The following CAND2 variants were observed in gnomAD, a reference collection of about 807,000 sequenced individuals.
CAND2 encodes cullin associated and neddylation dissociated 2 (putative), also known as cullin-associated NEDD8-dissociated protein 2.
Under a neutral mutation model 98.9 loss-of-function variants are expected in CAND2, and 62 were observed. The observed-to-expected ratio is 0.63, with a 90% CI of 0.51 to 0.77. The LOEUF is 0.77. Ranked by LOEUF, CAND2 falls within the 30% of genes least tolerant of loss-of-function variation. The pLI, the probability that CAND2 is intolerant of heterozygous loss-of-function variation, is 0.00. For missense variants in CAND2, 1,501 were observed against 1,655.2 expected, an observed-to-expected ratio of 0.91 and a Z score of 1.62; for synonymous variants, 770 against 731.9, an observed-to-expected ratio of 1.05 and a Z score of -0.84.
chr3:12,833,188 G>A (rs1161671907), intron 14 of CAND2, among the ~76,000 whole-genome samples: 1 of 152,184 alleles, frequency 6.6e-6, no homozygotes, highest in African/African-American at 2.4e-5. Context: ...AAGCAGTGGA[G>A]GAATTACTGA....
chr3:12,817,332 G>T lies in CAND2; in HGVS notation c.2400G>T (p.Val800=). ...GTGGGCCTGGCCTGCACAAGCAGGT[G>T]TTCCACTCATTGGCCCGGTGTGTGG... ...VDGGPGLHKQ[V]FHSLARCVAA... The change falls in exon 10 of 15, where the codon GTG becomes GTT. Residue 800 remains valine (V), a synonymous_variant. Coordinates refer to ENST00000456430, the MANE Select transcript of CAND2 (RefSeq NM_001162499.2). 6.2e-7 allele frequency: 1 copy of T among 1,613,952 alleles called. No homozygotes were observed. Among genetic ancestry groups the T allele is most frequent in the Non-Finnish European group, 8.5e-7 (1 of 1,180,034 alleles).
At position 12,810,327 on chromosome 3, in the gene CAND2, A is replaced by T; in HGVS notation, c.757+3A>T. The T allele has an allele frequency of 6.9e-7, 1 of 1,451,238 alleles. No homozygotes were observed. Among genetic ancestry groups the T allele is most frequent in the Non-Finnish European group, 9.1e-7 (1 of 1,102,674 alleles). 89.9% of individuals were successfully genotyped at this position (1,451,238 alleles called of 1,614,324 possible). A position where few individuals can be genotyped will look rare whatever the true frequency, so the allele number is the denominator to read the frequency against. On this transcript the variant is annotated splice_donor_region_variant and intron_variant, in intron 5 of 14. Coordinates refer to ENST00000456430, the MANE Select transcript of CAND2 (RefSeq NM_001162499.2). ...CCGCCAGGCCGGCCACCGCCTCGGT[A>T]AGGGGGCAGGGGGCGGGGCCTGGGC...
chr3:12,808,378 G>T (rs1336820821), intron 4 of CAND2, 45 bp downstream of exon 4: 1 of 1,544,968 alleles, frequency 6.5e-7, no homozygotes, highest in Admixed American at 2.0e-5. Context: ...GGGTAAAAGG[G>T]GACAGGGAGG....
rs143292112 is a variant in CAND2 at position 12,819,305 on chromosome 3, G to A, written c.2945-781G>A. Among the ~76,000 whole-genome samples, 44 of 152,258 alleles carry A rather than the reference G, an allele frequency of 2.9e-4. No homozygotes were observed. The East Asian group carries it at 3.5e-3, about 12-fold the overall frequency. On this transcript the variant is annotated intron_variant, in intron 10 of 14. Transcript: ENST00000456430. ...AGCACCAAATGGTAAACTTTTCCTC[G>A]AGGCTGAACATAAAGCCTGTGGGGT... is the stretch of plus-strand genomic sequence containing the variant.
In CAND2 at chr3:12,816,766, C is replaced by T. The variant is rs766844513; in HGVS notation, c.1834C>T (p.Pro612Ser). 4 of 1,613,582 alleles carry T rather than the reference C, an allele frequency of 2.5e-6. No homozygotes were observed. The highest frequency in any genetic ancestry group is 3.4e-6 in the Non-Finnish European group (4 of 1,180,042). The change falls in exon 10 of 15, where the codon CCC (proline) becomes TCC (serine). Residue 612 changes from proline to serine, a missense_variant. This residue lies in a region of CAND2 where 1,427 missense variants were observed against 1,545.3 expected (regional missense o/e 0.92). Transcript: ENST00000456430. ...TGACCGGCTTGGGGATGACCTGGAG[C>T]CCACGTTACTGCTCCTCCTGGACCG... Reference protein sequence around the residue: ...LGDRLGDDLEPTLLLLLDRLR... With the variant: ...LGDRLGDDLESTLLLLLDRLR...
chr3:12,799,384 C>T (rs571007818), intron 1 of CAND2, among the ~76,000 whole-genome samples: 26 of 152,262 alleles, frequency 1.7e-4, no homozygotes, highest in African/African-American at 6.0e-4. Context: ...TCACTTAAAG[C>T]CAAACTTTGG....
chr3:12,829,548 A>G (rs927807218), intron 13 of CAND2, among the ~76,000 whole-genome samples: 5 of 152,258 alleles, frequency 3.3e-5, no homozygotes, highest in Admixed American at 2.0e-4. Flanking sequence ...TTGTTTTAAA[A>G]GATTTACACA....
intron 1 of CAND2, among the ~76,000 whole-genome samples, chr3:12,801,654 G>A (rs2061767955): frequency 6.6e-6 from 1 of 152,134 alleles, no homozygotes; most frequent in Admixed American, 6.5e-5. Context: ...CTTGCCTCTG[G>A]TGCCCACCCT....
At position 12,820,089 on chromosome 3, in the gene CAND2, G is replaced by A. The variant is rs374617759; in HGVS notation, c.2948G>A (p.Arg983Gln). The change falls in exon 11 of 15, where the codon CGG becomes CAG. Residue 983 changes from arginine to glutamine, a missense_variant. Arg to Gln is a conservative substitution (Grantham distance 43). Transcript: ENST00000456430. ...PRLRKQLAAG[R>Q]PHTRSTVITA... ...CTCACCTCTTCTTGTCCTGCAGGTC[G>A]GCCACACACCCGGAGCACCGTCATC... 2.1e-4 allele frequency: 343 copies of A among 1,613,872 alleles called. 1 individual carries two copies. Among genetic ancestry groups the A allele is most frequent in the South Asian group, 1.6e-3 (149 of 91,046 alleles).
chr3:12,831,359 C>T, intron 13 of CAND2, 106 bp from the exon 14 acceptor site: 2 of 844,620 alleles, frequency 2.4e-6, no homozygotes, highest in South Asian at 2.9e-5. Context: ...GTGGTCTGAA[C>T]TTGGGCTTCA....
chr3:12,825,735 C>G, intron 12 of CAND2, 96 bp downstream of exon 12: 1 of 1,331,850 alleles, frequency 7.5e-7, no homozygotes, highest in Non-Finnish European at 1.0e-6. Flanking sequence ...GAGCAGGTGC[C>G]GGGGCCACAT....
intron 11 of CAND2, among the ~76,000 whole-genome samples, chr3:12,820,414 G>C (rs182778294): frequency 6.6e-6 from 1 of 152,146 alleles, no homozygotes; most frequent in Non-Finnish European, 1.5e-5. Flanking sequence ...TCTAAGCCTC[G>C]CTTTCCTCAT....
At position 12,817,635 on chromosome 3, in the gene CAND2, G is replaced by T. The variant is rs753368336; in HGVS notation, c.2703G>T (p.Leu901=). Residue 901 remains leucine, a synonymous_variant, in exon 10 of 15, where the codon CTG becomes CTT. Transcript: ENST00000456430. The part of the protein sequence containing the change: ...GSLPDFLPFL[L]EQIEAEPRRQ... The stretch of plus-strand genomic sequence containing the variant: ...TGCCCGACTTCCTGCCCTTCCTGCT[G>T]GAGCAGATCGAGGCTGAGCCCCGAC... 2 of 1,613,514 alleles carry T rather than the reference G, an allele frequency of 1.2e-6. No individual in the cohort carries two copies. The highest frequency in any genetic ancestry group is 1.7e-6 in the Non-Finnish European group (2 of 1,179,958).
In CAND2 at chr3:12,834,229, G is replaced by C. The variant is rs1050379971; in HGVS notation, c.*247G>C. On this transcript the variant is annotated 3_prime_UTR_variant, in exon 15 of 15. Transcript: ENST00000456430. ...CTCAGGACAGTCATCCAAAGAAATA[G>C]GGTGAGGAAGTTTTCCAGTGACTTC... 5.6e-6 allele frequency: 3 copies of C among 533,656 alleles called. No individual in the cohort carries two copies. In the African/African-American group the frequency reaches 5.7e-5, roughly 10 times the overall value. 33.1% of individuals were successfully genotyped at this position (533,656 alleles called of 1,614,324 possible). A position where few individuals can be genotyped will look rare whatever the true frequency, so the allele number is the denominator to read the frequency against.
Position 12,815,789 on chromosome 3 carries a change from G to C in CAND2, c.1300-78G>C, listed in dbSNP as rs1331641357. On this transcript the variant is annotated intron_variant, in intron 8 of 14. Transcript: ENST00000456430. This position sits in a 1 kb window ranked among gnomAD's most constrained non-coding sequence, Gnocchi z 5.7. ...GACATCCTCCCTGGGGATGTGTCTG[G>C]CAAAGCCTCCTGGTAGTGGGCAGGT... 3 of 1,421,530 alleles carry C rather than the reference G, an allele frequency of 2.1e-6. No homozygotes were observed. In the Admixed American group the frequency reaches 5.7e-5, roughly 27 times the overall value. 88.1% of individuals were successfully genotyped at this position (1,421,530 alleles called of 1,614,324 possible). A position where few individuals can be genotyped will look rare whatever the true frequency, so the allele number is the denominator to read the frequency against.
At chr3:12,831,380 G>A in intron 13 of CAND2, 85 bp from the exon 14 acceptor site, 1 of 1,052,200 alleles carries the variant, frequency 9.5e-7, no homozygotes, top group Non-Finnish European at 1.5e-6. Context: ...GGTTTCAGTT[G>A]TGGGGCCTCT....
At chr3:12,828,336 G>GTTTT (rs576931018) in intron 13 of CAND2, among the ~76,000 whole-genome samples, 35 of 122,252 alleles carry the variant, frequency 2.9e-4, no homozygotes, top group South Asian at 5.5e-4. Flanking sequence ...CAGGTGAAGT[G>GTTTT]TTTTTTTTTT....
rs576931018 is a variant in CAND2 at position 12,828,336 on chromosome 3, G to GTTT, written c.3375+749_3375+751dup. Among the ~76,000 whole-genome samples, 187 of 122,242 alleles carry GTTT rather than the reference G, an allele frequency of 1.5e-3. 8 individuals are homozygous for GTTT. The South Asian group carries it at 0.023, about 15-fold the overall frequency. The allele number at this position is 122,242 out of a possible 152,430, so 80.2% of individuals were successfully genotyped here. A position where few individuals can be genotyped will look rare whatever the true frequency, so the allele number is the denominator to read the frequency against. On this transcript the variant is annotated intron_variant, in intron 13 of 14. Transcript: ENST00000456430. ...GTAACTTACTATCTGCAGGTGAAGT[G>GTTT]TTTTTTTTTTTTTTTTTTTGAGACA...
intron 13 of CAND2, among the ~76,000 whole-genome samples, chr3:12,829,555 C>T (rs2062036572): frequency 6.6e-6 from 1 of 152,198 alleles, no homozygotes; most frequent in South Asian, 2.1e-4. Context: ...AAAAGATTTA[C>T]ACAAGATGAA....
Sources: gnomAD v4.1 joint callset for allele counts (sites outside exome capture counted in the v4.1 genomes callset) on GRCh38, gnomAD v4.1.1 for gene constraint, gnomAD v4.1.1 regional missense constraint, Gnocchi (gnomAD v3.1) non-coding constraint, MANE v1.5 for transcripts, NCBI Gene and HGNC (gene_info 2026-07-23, HGNC 2026-07-21) for gene names.